Variants in TLL1 observed in about 807,000 individuals in gnomAD.
TLL1 encodes the protein tolloid-like protein 1.
TLL1 carries 49 observed loss-of-function variants against 128.2 expected under a neutral mutation model. The ratio of observed to expected loss-of-function variants is 0.38; its 90% CI spans 0.30 to 0.48. The LOEUF (loss-of-function observed/expected upper bound fraction) is 0.48, where lower values mean the gene tolerates loss of function less well. TLL1 is among the 20% of genes least tolerant of loss of function. The probability of loss-of-function intolerance (pLI) is 0.96; values close to 1 mark genes in which losing one functional copy is unlikely to be tolerated. For synonymous variants in TLL1, 454 were observed against 418.8 expected (o/e 1.08, Z -1.03); for missense variants, 1,123 against 1,242.0 (o/e 0.90, Z 1.44).
chr4:166,078,897 A>G (rs1299578219), intron 18 of TLL1, among the ~76,000 whole-genome samples: 2 of 152,112 alleles, frequency 1.3e-5, no homozygotes, highest in African/African-American at 4.8e-5. Flanking sequence ...CATAAGCTTA[A>G]TTTTTAAATT....
intron 12 of TLL1, among the ~76,000 whole-genome samples, chr4:166,044,760 C>T: frequency 6.6e-6 from 1 of 151,864 alleles, no homozygotes; most frequent in East Asian, 1.9e-4. Flanking sequence ...AAAAATTATC[C>T]ACCCAATGTC....
intron 1 of TLL1, among the ~76,000 whole-genome samples, chr4:165,967,055 TC>T (rs1561061337): frequency 6.6e-6 from 1 of 152,038 alleles, no homozygotes; most frequent in Non-Finnish European, 1.5e-5. Flanking sequence ...TTTAGATACT[TC>T]CCCCTAGGAA....
chr4:166,057,185 G>A lies in TLL1; in HGVS notation c.1722G>A (p.Glu574=), dbSNP rs202156009. The A allele has an allele frequency of 1.5e-5, 25 of 1,613,644 alleles. No individual in the cohort carries two copies. Among genetic ancestry groups the A allele is most frequent in the Non-Finnish European group, 2.0e-5 (24 of 1,179,902 alleles). Reference sequence around the variant, plus strand: ...CTATAACTATGACCATTTTCATAGAGGAAGATGAGTGTGCCAAACCTGACC... The same window carrying A: ...CTATAACTATGACCATTTTCATAGAAGAAGATGAGTGTGCCAAACCTGACC... The part of the protein sequence containing the change: ...KAGFAANFFK[E]EDECAKPDRG... The change falls in exon 14 of 21, where the codon GAG becomes GAA. Residue 574 remains glutamate (E), a splice_region_variant and synonymous_variant. Coordinates refer to ENST00000061240, the MANE Select transcript of TLL1 (RefSeq NM_012464.5).
chr4:166,018,620 A>G (rs1738063323), intron 8 of TLL1, among the ~76,000 whole-genome samples: 2 of 152,096 alleles, frequency 1.3e-5, no homozygotes, highest in South Asian at 4.2e-4. Context: ...AAAACAAATA[A>G]CCCCATTTAA....
At chr4:166,015,679 G>T (rs1205301217) in intron 8 of TLL1, among the ~76,000 whole-genome samples, 1 of 151,882 alleles carries the variant, frequency 6.6e-6, no homozygotes, top group Non-Finnish European at 1.5e-5. Flanking sequence ...AAGAAAAAGT[G>T]AGTTGTTTGA....
intron 1 of TLL1, among the ~76,000 whole-genome samples, chr4:165,935,974 G>C (rs1733741085): frequency 6.6e-6 from 1 of 151,014 alleles, no homozygotes; most frequent in Admixed American, 6.6e-5. Context: ...TCTCTTGAGT[G>C]GTGGTGTGTT....
In TLL1 at chr4:166,099,284, C is replaced by A; in HGVS notation, c.2664C>A (p.Gly888=). ...TTTTTCTTTCCTGGGCAGAGTGTGGCGGACGATTGAAAGCAGAATCAAAAC... is the reference window on the plus strand; with the variant it reads ...TTTTTCTTTCCTGGGCAGAGTGTGGAGGACGATTGAAAGCAGAATCAAAAC... The part of the protein sequence containing the change: ...GFQATHSTEC[G]GRLKAESKPR... The change falls in exon 20 of 21, where the codon GGC becomes GGA. Residue 888 remains glycine, a synonymous_variant. Transcript: ENST00000061240. 2 of 1,613,454 alleles carry A rather than the reference C, an allele frequency of 1.2e-6. No homozygotes were observed. The highest frequency in any genetic ancestry group is 1.7e-6 in the Non-Finnish European group (2 of 1,179,600).
At chr4:166,068,048 A>G (rs908966109) in intron 16 of TLL1, among the ~76,000 whole-genome samples, 2 of 151,816 alleles carry the variant, frequency 1.3e-5, no homozygotes, top group Non-Finnish European at 2.9e-5. Flanking sequence ...GTCCAAGACA[A>G]TTATTATTAA....
At chr4:166,079,550 C>T (rs893101970) in intron 18 of TLL1, among the ~76,000 whole-genome samples, 3 of 151,776 alleles carry the variant, frequency 2.0e-5, no homozygotes, top group Non-Finnish European at 4.4e-5. Flanking sequence ...CCTATGGCTG[C>T]CTTCAAAATT....
At chr4:165,934,583 C>T (rs1733681875) in intron 1 of TLL1, among the ~76,000 whole-genome samples, 1 of 152,162 alleles carries the variant, frequency 6.6e-6, no homozygotes, top group South Asian at 2.1e-4. Context: ...TCCCAGTGTG[C>T]TGATGGCACT....
chr4:166,004,141 T>C lies in TLL1; in HGVS notation c.811+572T>C, dbSNP rs191341666. ...TCAGTAATTGAAATATAATTTCTACTTAAAACCTATTTTTCTCTGATAGTT... is the reference window on the plus strand; with the variant it reads ...TCAGTAATTGAAATATAATTTCTACCTAAAACCTATTTTTCTCTGATAGTT... On this transcript the variant is annotated intron_variant, in intron 6 of 20. Coordinates refer to ENST00000061240, the MANE Select transcript of TLL1 (RefSeq NM_012464.5). 6.4e-3 allele frequency among the ~76,000 whole-genome samples: 980 copies of C among 152,244 alleles called. 16 individuals are homozygous for C. The highest frequency in any genetic ancestry group is 0.022 in the African/African-American group (901 of 41,566).
intron 9 of TLL1, among the ~76,000 whole-genome samples, chr4:166,029,946 A>T (rs1330714472): frequency 6.6e-6 from 1 of 152,090 alleles, no homozygotes; most frequent in Non-Finnish European, 1.5e-5. Flanking sequence ...TGCTGATATG[A>T]ACCTGGGATT....
intron 1 of TLL1, among the ~76,000 whole-genome samples, chr4:165,894,685 C>T (rs1452817341): frequency 6.6e-6 from 1 of 152,002 alleles, no homozygotes; most frequent in Non-Finnish European, 1.5e-5. Context: ...CGTATTTTTT[C>T]CTTATCTTTA....
chr4:165,990,254 A>G (rs1736576267), intron 2 of TLL1, among the ~76,000 whole-genome samples: 1 of 151,976 alleles, frequency 6.6e-6, no homozygotes, highest in South Asian at 2.1e-4. Context: ...TTAGAAAGTT[A>G]AAATCTCTTT....
At chr4:165,970,224 G>A (rs1329030007) in intron 1 of TLL1, among the ~76,000 whole-genome samples, 1 of 152,094 alleles carries the variant, frequency 6.6e-6, no homozygotes, top group African/African-American at 2.4e-5. Flanking sequence ...TTTGTGATTA[G>A]AGATGCTCTA....
At chr4:166,089,147 A>G (rs1741649810) in intron 18 of TLL1, among the ~76,000 whole-genome samples, 1 of 152,144 alleles carries the variant, frequency 6.6e-6, no homozygotes, top group South Asian at 2.1e-4. Context: ...AGTGGTTTTC[A>G]GATATTCTTT....
chr4:165,882,603 C>G (rs1295964034), intron 1 of TLL1, among the ~76,000 whole-genome samples: 1 of 151,852 alleles, frequency 6.6e-6, no homozygotes, highest in Non-Finnish European at 1.5e-5. Context: ...AATCAGGGCC[C>G]CTGTGTTGCT....
chr4:166,051,261 T>TCCCTC (rs1553964935), intron 12 of TLL1, among the ~76,000 whole-genome samples: 1 of 134,958 alleles, frequency 7.4e-6, no homozygotes, highest in Non-Finnish European at 1.6e-5. Flanking sequence ...TTCTTTTTTC[T>TCCCTC]CCTCCCTCCC....
intron 1 of TLL1, among the ~76,000 whole-genome samples, chr4:165,874,528 A>AGGAT (rs1730638699): frequency 6.6e-6 from 1 of 152,240 alleles, no homozygotes; most frequent in African/African-American, 2.4e-5. Flanking sequence ...AAGATACAGG[A>AGGAT]GGATGGCATT....
Sources: allele counts gnomAD v4.1 joint callset (sites outside exome capture counted in the v4.1 genomes callset), GRCh38; gene constraint gnomAD v4.1.1; transcripts MANE v1.5; gene names NCBI Gene and HGNC (gene_info 2026-07-23, HGNC 2026-07-21).